Variants in WARS1 observed in about 807,000 individuals in gnomAD.
WARS1 encodes tryptophan--tRNA ligase, cytoplasmic.
In WARS1, 17 loss-of-function variants were observed where a neutral mutation model predicts 47.8. The observed-to-expected ratio is 0.36, with a 90% confidence interval of 0.24 to 0.53. The LOEUF (loss-of-function observed/expected upper bound fraction) is 0.53, where lower values mean the gene tolerates loss of function less well. Among genes scored for constraint, WARS1 ranks in the 20% least tolerant of loss-of-function variants. The pLI is 0.91. For synonymous variants in WARS1, 208 were observed against 228.1 expected (o/e 0.91, Z 0.79); for missense variants, 434 against 608.0 (o/e 0.71, Z 3.01).
intron 9 of WARS1, 135 bp from the exon 10 acceptor site, chr14:100,337,337 C>G (rs1469690304): frequency 3.7e-6 from 5 of 1,356,444 alleles, no homozygotes; most frequent in Non-Finnish European, 5.0e-6. Flanking sequence ...CCAAGGCGCA[C>G]AGCCGGTTGG....
At chr14:100,356,828 T>C (rs1895352147) in intron 4 of WARS1, among the ~76,000 whole-genome samples, 1 of 152,094 alleles carries the variant, frequency 6.6e-6, no homozygotes, top group African/African-American at 2.4e-5. Flanking sequence ...ACCAAAGACA[T>C]TAAAAGAAAA....
At chr14:100,359,744 C>G (rs752465770) in intron 4 of WARS1, among the ~76,000 whole-genome samples, 1 of 152,104 alleles carries the variant, frequency 6.6e-6, no homozygotes, top group East Asian at 1.9e-4. Flanking sequence ...TGTGAATATA[C>G]TAAAACCCAC....
intron 1 of WARS1, chr14:100,374,317 T>A (rs988533547): frequency 6.6e-6 from 1 of 152,218 alleles, no homozygotes. Context: ...TTATCTTCCC[T>A]AAACAAAAGT....
intron 1 of WARS1, among the ~76,000 whole-genome samples, chr14:100,369,981 C>T (rs2140089798): frequency 1.3e-5 from 2 of 152,232 alleles, no homozygotes; most frequent in Middle Eastern, 6.8e-3. Flanking sequence ...TGTGGTTTAT[C>T]TTAATTGCCT....
At position 100,353,880 on chromosome 14, in the gene WARS1, A is replaced by G. The variant is rs1305802887; in HGVS notation, c.543-11T>C. Reference sequence around the variant, plus strand: ...ACATCCTGGAGCCACCTAAAGAAACACAGGGGGAGAAAGCTGACGTCTCAT... The same window carrying G: ...ACATCCTGGAGCCACCTAAAGAAACGCAGGGGGAGAAAGCTGACGTCTCAT... On this transcript the variant is annotated splice_polypyrimidine_tract_variant and intron_variant, in intron 5 of 10. Transcript: ENST00000392882. 6.2e-7 allele frequency: 1 copy of G among 1,611,026 alleles called. No individual in the cohort carries two copies. The highest frequency in any genetic ancestry group is 1.7e-5 in the Admixed American group (1 of 59,902).
rs532201988 is a variant in WARS1, at chr14:100,368,922, T to C, written c.99+165A>G. On this transcript the variant is annotated intron_variant, in intron 2 of 10. Coordinates refer to ENST00000392882, the MANE Select transcript of WARS1 (RefSeq NM_004184.4). ...GTTGCAGCAAGCTTAGATTGCACCATTGCACTCCAGCCTGGGAAACAAGAG... is the reference window on the plus strand; with the variant it reads ...GTTGCAGCAAGCTTAGATTGCACCACTGCACTCCAGCCTGGGAAACAAGAG... Among the ~76,000 whole-genome samples, 31 of 152,138 alleles carry C rather than the reference T, an allele frequency of 2.0e-4. No homozygotes were observed. The Middle Eastern group carries it at 0.01, about 50-fold the overall frequency.
chr14:100,353,946 G>C lies in WARS1; in HGVS notation c.543-77C>G, dbSNP rs200524967. On this transcript the variant is annotated intron_variant, in intron 5 of 10. Coordinates refer to ENST00000392882, the MANE Select transcript of WARS1 (RefSeq NM_004184.4). Reference sequence around the variant, plus strand: ...ACGCCATCGTGCATCTGAAAACACAGCTCCTACTTACAACGTATGTTAAAA... The same window carrying C: ...ACGCCATCGTGCATCTGAAAACACACCTCCTACTTACAACGTATGTTAAAA... The C allele has an allele frequency of 1.5e-5, 20 of 1,362,850 alleles. No individual in the cohort carries two copies. In the East Asian group the frequency reaches 3.0e-4, roughly 20 times the overall value. 84.4% of individuals were successfully genotyped at this position (1,362,850 alleles called of 1,614,324 possible).
intron 6 of WARS1, 144 bp downstream of exon 6, chr14:100,353,543 T>G: frequency 2.8e-6 from 3 of 1,053,506 alleles, no homozygotes; most frequent in Non-Finnish European, 4.0e-6. Flanking sequence ...CCACCATGGC[T>G]GGCCACTCAT....
intron 2 of WARS1, chr14:100,365,340 G>A (rs1895902962): frequency 6.3e-6 from 1 of 159,086 alleles, no homozygotes; most frequent in South Asian, 1.4e-4. Context: ...AGTACTTTGG[G>A]AGGCTGAGGC....
chr14:100,355,349 T>G (rs1032279143), intron 4 of WARS1, among the ~76,000 whole-genome samples: 1 of 151,886 alleles, frequency 6.6e-6, no homozygotes, highest in Non-Finnish European at 1.5e-5. Flanking sequence ...GCCTCCCGAG[T>G]AGCTGGGCAT....
At chr14:100,360,481 G>C in intron 4 of WARS1, 73 bp downstream of exon 4, 1 of 1,228,512 alleles carries the variant, frequency 8.1e-7, no homozygotes, top group Admixed American at 2.0e-5. Flanking sequence ...GGCTTATGAA[G>C]AGAGTGTCTT....
At position 100,334,996 on chromosome 14, in the gene WARS1, T is replaced by G. The variant is rs976993442; in HGVS notation, c.1295A>C (p.Lys432Thr). The G allele has an allele frequency of 6.2e-7, 1 of 1,613,982 alleles. No individual in the cohort carries two copies. Among genetic ancestry groups the G allele is most frequent in the Non-Finnish European group, 8.5e-7 (1 of 1,180,010 alleles). ...GGGCTGCAGAACCTCTATGAGTGCCTTCTTGAGCTCACCGGTGAGCATGGC... is the reference window on the plus strand; with the variant it reads ...GGGCTGCAGAACCTCTATGAGTGCCGTCTTGAGCTCACCGGTGAGCATGGC... ...SGAMLTGELK[K>T]ALIEVLQPLI... is the part of the protein sequence containing the mutation. The change falls in exon 11 of 11, where the codon AAG becomes ACG. Residue 432 changes from lysine (K) to threonine (T), a missense_variant. This residue lies in a region of WARS1 where 347 missense variants were observed against 523.8 expected (regional missense o/e 0.66). Transcript: ENST00000392882.
At chr14:100,368,288 A>G (rs1896130602) in intron 2 of WARS1, 1 of 352,036 alleles carries the variant, frequency 2.8e-6, no homozygotes, top group Non-Finnish European at 5.6e-6. Flanking sequence ...TGGGCGAGAA[A>G]GTTAGAGTAC....
At chr14:100,338,136 A>G (rs989111499) in intron 9 of WARS1, among the ~76,000 whole-genome samples, 1 of 152,218 alleles carries the variant, frequency 6.6e-6, no homozygotes, top group African/African-American at 2.4e-5. Flanking sequence ...TCAGAGCTGA[A>G]AAACTCAGAA....
intron 1 of WARS1, among the ~76,000 whole-genome samples, chr14:100,372,050 C>T (rs1319381977): frequency 6.6e-6 from 1 of 152,204 alleles, no homozygotes; most frequent in African/African-American, 2.4e-5. Context: ...AGCTCCCCTG[C>T]TGATCACCTT....
At chr14:100,364,325 T>C (rs1280280135) in intron 2 of WARS1, among the ~76,000 whole-genome samples, 1 of 152,192 alleles carries the variant, frequency 6.6e-6, no homozygotes, top group Non-Finnish European at 1.5e-5. Flanking sequence ...CCTAGGAAAC[T>C]TGCCGCTTTA....
At chr14:100,360,477 T>A in intron 4 of WARS1, 77 bp downstream of exon 4, 1 of 1,185,956 alleles carries the variant, frequency 8.4e-7, no homozygotes, top group Non-Finnish European at 1.2e-6. Context: ...AGGTGGCTTA[T>A]GAAGAGAGTG....
At chr14:100,359,393 T>C (rs1482250537) in intron 4 of WARS1, among the ~76,000 whole-genome samples, 1 of 152,262 alleles carries the variant, frequency 6.6e-6, no homozygotes, top group Non-Finnish European at 1.5e-5. Context: ...GAAAATGTTA[T>C]GCCAAGTAAA....
chr14:100,367,213 T>TA (rs773917281), intron 2 of WARS1, among the ~76,000 whole-genome samples: 6 of 146,980 alleles, frequency 4.1e-5, no homozygotes, highest in Non-Finnish European at 7.5e-5. Flanking sequence ...GTCTCTGAAT[T>TA]AAAAAAAAAA....
Sources: gnomAD v4.1 joint callset for allele counts (sites outside exome capture counted in the v4.1 genomes callset) on GRCh38, gnomAD v4.1.1 for gene constraint, gnomAD v4.1.1 regional missense constraint, MANE v1.5 for transcripts, NCBI Gene and HGNC (gene_info 2026-07-23, HGNC 2026-07-21) for gene names.